SCFD1: variants seen among roughly 807,000 people sequenced by gnomAD.
SCFD1 encodes sec1 family domain-containing protein 1.
SCFD1 carries 37 observed loss-of-function variants against 103.2 expected under a neutral mutation model. That is an observed-to-expected ratio of 0.36 (90% CI 0.28 to 0.47). The LOEUF (loss-of-function observed/expected upper bound fraction) is 0.47, where lower values mean the gene tolerates loss of function less well. Among genes scored for constraint, SCFD1 ranks in the 20% least tolerant of loss-of-function variants. The probability of loss-of-function intolerance (pLI) is 1.00; values close to 1 mark genes in which losing one functional copy is unlikely to be tolerated. For synonymous variants in SCFD1, 264 were observed against 245.0 expected (o/e 1.08, Z -0.73); for missense variants, 639 against 761.2 (o/e 0.84, Z 1.89).
Position 30,702,040 on chromosome 14 carries a change from G to T in SCFD1, c.1411-256G>T, listed in dbSNP as rs573214438. On this transcript the variant is annotated intron_variant, in intron 16 of 24. Transcript: ENST00000458591. ...AGTAAAGGAAAAAATAGCTTTGTTGGACTTGCTGAGAAATTTAAAAATACT... is the reference window on the plus strand; with the variant it reads ...AGTAAAGGAAAAAATAGCTTTGTTGTACTTGCTGAGAAATTTAAAAATACT... 5.3e-5 allele frequency among the ~76,000 whole-genome samples: 8 copies of T among 152,238 alleles called. No homozygotes were observed. The East Asian group carries it at 1.5e-3, about 29-fold the overall frequency.
Position 30,670,392 on chromosome 14 carries a change from G to A in SCFD1, c.992G>A (p.Gly331Glu). The A allele has an allele frequency of 2.6e-6, 4 of 1,543,412 alleles. No individual in the cohort carries two copies. The highest frequency in any genetic ancestry group is 3.5e-6 in the Non-Finnish European group (4 of 1,146,080). Reference sequence around the variant, plus strand: ...GATAAATTTTGGCAAAAACATAAAGGAAGGTAAGCAAAATATCAATAAGTA... The same window carrying A: ...GATAAATTTTGGCAAAAACATAAAGAAAGGTAAGCAAAATATCAATAAGTA... The part of the protein sequence containing the change: ...PVDKFWQKHK[G>E]SPFPEVAESV... The change falls in exon 11 of 25, where the codon GGA (glycine) becomes GAA (glutamate). Residue 331 changes from glycine (G) to glutamate (E), a missense_variant. Transcript: ENST00000458591.
intron 7 of SCFD1, among the ~76,000 whole-genome samples, chr14:30,645,946 T>C (rs1457142873): frequency 6.6e-6 from 1 of 152,190 alleles, no homozygotes; most frequent in Non-Finnish European, 1.5e-5. Flanking sequence ...TGACATTGGC[T>C]GTGTGTTTGT....
intron 14 of SCFD1, among the ~76,000 whole-genome samples, chr14:30,679,195 T>C (rs1340356923): frequency 2.0e-5 from 3 of 152,014 alleles, no homozygotes; most frequent in Non-Finnish European, 2.9e-5. Context: ...TTCCTTATTA[T>C]CATCTTGTGC....
chr14:30,725,875 C>T (rs1021017873), intron 23 of SCFD1, among the ~76,000 whole-genome samples: 5 of 152,140 alleles, frequency 3.3e-5, no homozygotes, highest in Admixed American at 6.5e-5. Context: ...AGATGCAAAC[C>T]GTCTCTATAA....
intron 11 of SCFD1, among the ~76,000 whole-genome samples, chr14:30,671,144 A>T (rs1242419200): frequency 3.3e-5 from 5 of 152,154 alleles, no homozygotes; most frequent in Non-Finnish European, 7.4e-5. Context: ...TTTATTGTTT[A>T]AAGAGAAGTC....
chr14:30,628,324 C>T (rs764276758), intron 2 of SCFD1, 45 bp downstream of exon 2: 6 of 1,287,808 alleles, frequency 4.7e-6, no homozygotes, highest in Non-Finnish European at 6.7e-6. Context: ...TTTTCTCAGC[C>T]CTTATTGGTG....
At chr14:30,664,436 T>C (rs1212216169) in intron 10 of SCFD1, among the ~76,000 whole-genome samples, 2 of 151,990 alleles carry the variant, frequency 1.3e-5, no homozygotes, top group African/African-American at 2.4e-5. Flanking sequence ...ACCACAAAGA[T>C]TGGGAGAAAA....
intron 7 of SCFD1, among the ~76,000 whole-genome samples, chr14:30,646,026 T>TG (rs1885790848): frequency 6.6e-6 from 1 of 150,848 alleles, no homozygotes; most frequent in African/African-American, 2.4e-5. Flanking sequence ...TTTTTGTGTG[T>TG]TTTTTTTTGT....
chr14:30,640,819 C>T (rs1052820447), intron 6 of SCFD1, among the ~76,000 whole-genome samples: 9 of 151,934 alleles, frequency 5.9e-5, no homozygotes, highest in East Asian at 1.9e-4. Context: ...GCTAAATATT[C>T]GTATACTTAT....
At chr14:30,671,459 A>C (rs1218269976) in intron 11 of SCFD1, among the ~76,000 whole-genome samples, 1 of 152,270 alleles carries the variant, frequency 6.6e-6, no homozygotes, top group East Asian at 1.9e-4. Context: ...AGAATACAGA[A>C]TATTTTGAAG....
At chr14:30,702,090 C>G (rs933136609) in intron 16 of SCFD1, among the ~76,000 whole-genome samples, 1 of 152,104 alleles carries the variant, frequency 6.6e-6, no homozygotes, top group East Asian at 1.9e-4. Context: ...GATTTGGGAG[C>G]CTCTTAAAGG....
intron 3 of SCFD1, among the ~76,000 whole-genome samples, chr14:30,631,514 A>G (rs546151359): frequency 2.9e-4 from 44 of 152,334 alleles, no homozygotes; most frequent in African/African-American, 1.0e-3. Flanking sequence ...TCATAAAGTC[A>G]AAAAATCCTA....
chr14:30,692,758 C>T (rs1890406136), intron 14 of SCFD1, among the ~76,000 whole-genome samples: 1 of 152,150 alleles, frequency 6.6e-6, no homozygotes, highest in Non-Finnish European at 1.5e-5. Flanking sequence ...TAGCACCTTT[C>T]CCCTTCCATT....
chr14:30,647,977 T>G (rs532444119), intron 7 of SCFD1, among the ~76,000 whole-genome samples: 3 of 152,342 alleles, frequency 2.0e-5, no homozygotes, highest in Admixed American at 6.5e-5. Flanking sequence ...AAGGAGAAAT[T>G]GAAATTATTG....
In SCFD1 at chr14:30,673,234, GTTC is replaced by G; in HGVS notation, c.996-20_996-18del. 2 of 1,338,636 alleles carry G rather than the reference GTTC, an allele frequency of 1.5e-6. No individual in the cohort carries two copies. The highest frequency in any genetic ancestry group is 2.1e-6 in the Non-Finnish European group (2 of 964,242). The allele number at this position is 1,338,636 out of a possible 1,614,324, so 82.9% of individuals were successfully genotyped here. On this transcript the variant is annotated intron_variant, in intron 11 of 24. Coordinates refer to ENST00000458591, the MANE Select transcript of SCFD1 (RefSeq NM_016106.4). ...TTGGTCTTTTAATGTCATCCTCATAGTTCTTGTGCAATACTGTTTTAGTCCATT... is the reference window on the plus strand; with the variant it reads ...TTGGTCTTTTAATGTCATCCTCATAGTTGTGCAATACTGTTTTAGTCCATT...
chr14:30,731,126 G>C (rs974926246), intron 23 of SCFD1, among the ~76,000 whole-genome samples: 23 of 152,262 alleles, frequency 1.5e-4, no homozygotes, highest in African/African-American at 5.5e-4. Context: ...CCCATTTCTT[G>C]TTTTTGTCAG....
intron 17 of SCFD1, among the ~76,000 whole-genome samples, chr14:30,705,071 T>C (rs974838973): frequency 1.3e-5 from 2 of 152,186 alleles, no homozygotes; most frequent in Admixed American, 1.3e-4. Flanking sequence ...ATCAATCGTA[T>C]TGTTTAGTTA....
intron 8 of SCFD1, among the ~76,000 whole-genome samples, chr14:30,649,925 A>C (rs1886240310): frequency 6.6e-6 from 1 of 152,184 alleles, no homozygotes; most frequent in Non-Finnish European, 1.5e-5. Context: ...CATTTAGCAA[A>C]TATTACTAAT....
At chr14:30,689,753 G>A (rs1431857760) in intron 14 of SCFD1, among the ~76,000 whole-genome samples, 2 of 113,354 alleles carry the variant, frequency 1.8e-5, no homozygotes, top group Non-Finnish European at 3.6e-5. Context: ...TTTGCCTTTG[G>A]TTTGAATGTC....
Sources: gnomAD v4.1 joint callset for allele counts (sites outside exome capture counted in the v4.1 genomes callset) on GRCh38, gnomAD v4.1.1 for gene constraint, MANE v1.5 for transcripts, NCBI Gene and HGNC (gene_info 2026-07-23, HGNC 2026-07-21) for gene names.